The following PKN2 variants were observed in gnomAD, a reference collection of about 807,000 sequenced individuals.
PKN2 encodes serine/threonine-protein kinase N2.
PKN2 carries 38 observed loss-of-function variants against 119.1 expected under a neutral mutation model. That is an observed-to-expected ratio of 0.32 (90% CI 0.25 to 0.42). PKN2 has a LOEUF of 0.42. PKN2 is among the 10% of genes least tolerant of loss of function. The pLI is 1.00. For synonymous variants in PKN2, 390 were observed against 384.9 expected, an observed-to-expected ratio of 1.01 and a Z score of -0.15; for missense variants, 850 against 1,165.1, an observed-to-expected ratio of 0.73 and a Z score of 3.94.
intron 1 of PKN2, among the ~76,000 whole-genome samples, chr1:88,703,001 G>A (rs1183144103): frequency 6.6e-6 from 1 of 152,158 alleles, no homozygotes; most frequent in African/African-American, 2.4e-5. Context: ...GTCTGCTTAT[G>A]AGAGAGCATT....
intron 8 of PKN2, among the ~76,000 whole-genome samples, chr1:88,791,139 A>G (rs759443546): frequency 3.3e-5 from 5 of 152,148 alleles, no homozygotes; most frequent in Non-Finnish European, 7.4e-5. Flanking sequence ...AAAGTAACCA[A>G]TTTAAAGCTG....
intron 1 of PKN2, among the ~76,000 whole-genome samples, chr1:88,705,711 A>C (rs961170829): frequency 2.6e-5 from 4 of 152,092 alleles, no homozygotes; most frequent in East Asian, 1.9e-4. Flanking sequence ...AAATATATAT[A>C]TATATATTCT....
intron 17 of PKN2, 73 bp from the exon 18 acceptor site, chr1:88,824,237 A>G: frequency 1.3e-6 from 1 of 749,082 alleles, no homozygotes; most frequent in Non-Finnish European, 2.3e-6. Flanking sequence ...AATTGCAATT[A>G]TTTTTTTAAC....
chr1:88,771,982 G>A (rs1314686531), intron 6 of PKN2, 103 bp downstream of exon 6: 1 of 715,302 alleles, frequency 1.4e-6, no homozygotes, highest in East Asian at 2.7e-5. Context: ...TTAAAATTAT[G>A]ATAAGATACA....
In PKN2 at chr1:88,807,958, T is replaced by G. The variant is rs554210657; in HGVS notation, c.2102+183T>G. 2.6e-5 allele frequency among the ~76,000 whole-genome samples: 4 copies of G among 152,286 alleles called. No homozygotes were observed. In the East Asian group the frequency reaches 5.8e-4, roughly 22 times the overall value. The stretch of plus-strand genomic sequence containing the variant: ...TCTTTTTTGCCCCTTTTTACCCTTC[T>G]TGTGACAATTAACTGGTTAATGGAT... On this transcript the variant is annotated intron_variant, in intron 15 of 21. Coordinates refer to ENST00000370521, the MANE Select transcript of PKN2 (RefSeq NM_006256.4).
chr1:88,708,405 G>C (rs1011337139), intron 1 of PKN2, among the ~76,000 whole-genome samples: 1 of 151,818 alleles, frequency 6.6e-6, no homozygotes, highest in African/African-American at 2.4e-5. Context: ...GTTTCTTCGG[G>C]GTACTGCTTA....
intron 16 of PKN2, 144 bp downstream of exon 16, chr1:88,813,877 T>G (rs2100896288): frequency 1.6e-6 from 1 of 613,910 alleles, no homozygotes; most frequent in East Asian, 3.2e-5. Flanking sequence ...TACTTACTTT[T>G]TTGCCATATA....
chr1:88,821,882 G>A, intron 16 of PKN2, 59 bp from the exon 17 acceptor site: 1 of 1,298,156 alleles, frequency 7.7e-7, no homozygotes, highest in Non-Finnish European at 1.0e-6. Context: ...AAACATATAA[G>A]CTGGGATTCA....
At chr1:88,738,537 T>C (rs1668446566) in intron 1 of PKN2, among the ~76,000 whole-genome samples, 1 of 152,176 alleles carries the variant, frequency 6.6e-6, no homozygotes, top group Non-Finnish European at 1.5e-5. Flanking sequence ...TTTGATATGA[T>C]TGGAGTTTAA....
At chr1:88,690,255 T>G (rs962405121) in intron 1 of PKN2, among the ~76,000 whole-genome samples, 1 of 152,242 alleles carries the variant, frequency 6.6e-6, no homozygotes, top group Non-Finnish European at 1.5e-5. Flanking sequence ...TTGGCAATGG[T>G]AAATTTTCAT....
chr1:88,828,427 T>A, intron 18 of PKN2, 54 bp from the exon 19 acceptor site: 2 of 1,490,548 alleles, frequency 1.3e-6, no homozygotes, highest in Non-Finnish European at 1.8e-6. Context: ...GATTTTTTTT[T>A]TATGCTAGAT....
chr1:88,806,331 G>C (rs140170583), intron 12 of PKN2: 4,544 of 288,068 alleles, frequency 0.016, 93 homozygotes, highest in South Asian at 0.057. Flanking sequence ...CACCATGCCT[G>C]GCTAATTTTT....
chr1:88,710,022 T>G (rs1667163485), intron 1 of PKN2, among the ~76,000 whole-genome samples: 1 of 152,148 alleles, frequency 6.6e-6, no homozygotes, highest in African/African-American at 2.4e-5. Flanking sequence ...ATAGGGAGAC[T>G]AGGAATACAG....
At position 88,760,395 on chromosome 1, in the gene PKN2, T is replaced by A; in HGVS notation, c.504+19T>A. The A allele has an allele frequency of 7.5e-7, 1 of 1,336,360 alleles. No homozygotes were observed. Among genetic ancestry groups the A allele is most frequent in the Non-Finnish European group, 1.0e-6 (1 of 957,612 alleles). 82.8% of individuals were successfully genotyped at this position (1,336,360 alleles called of 1,614,324 possible). A position where few individuals can be genotyped will look rare whatever the true frequency, so the allele number is the denominator to read the frequency against. ...TTCAAAGGTAAGTGTAGTTAATAAA[T>A]GTAACTATATAGTCAGTCATTATTT... On this transcript the variant is annotated intron_variant, in intron 3 of 21. Transcript: ENST00000370521.
At chr1:88,812,696 A>G (rs1241516832) in intron 15 of PKN2, among the ~76,000 whole-genome samples, 1 of 152,176 alleles carries the variant, frequency 6.6e-6, no homozygotes, top group Admixed American at 6.5e-5. Flanking sequence ...TGATGATATC[A>G]CTGCACTCCA....
At chr1:88,810,893 C>T (rs1671756035) in intron 15 of PKN2, among the ~76,000 whole-genome samples, 1 of 152,232 alleles carries the variant, frequency 6.6e-6, no homozygotes, top group Non-Finnish European at 1.5e-5. Flanking sequence ...AGGCATGAGC[C>T]ACTGTGCCTG....
chr1:88,724,279 G>C lies in PKN2; in HGVS notation c.49-16709G>C, dbSNP rs1667808903. ...GTTTCTTATAATTAAATAGTTTCTT[G>C]ATAGTTTATATTCATTAGTTCCACA... On this transcript the variant is annotated intron_variant, in intron 1 of 21. Coordinates refer to ENST00000370521, the MANE Select transcript of PKN2 (RefSeq NM_006256.4). Among the ~76,000 whole-genome samples the C allele has an allele frequency of 3.3e-5, 5 of 152,080 alleles. No individual in the cohort carries two copies. The South Asian group carries it at 1.0e-3, about 31-fold the overall frequency.
chr1:88,822,214 TA>T (rs1405301768), intron 17 of PKN2, among the ~76,000 whole-genome samples: 1 of 152,190 alleles, frequency 6.6e-6, no homozygotes. Context: ...ATTTTCTAAT[TA>T]AAATAGTCAA....
At chr1:88,783,576 G>A (rs1349969034) in intron 6 of PKN2, among the ~76,000 whole-genome samples, 1 of 152,122 alleles carries the variant, frequency 6.6e-6, no homozygotes, top group East Asian at 1.9e-4. Context: ...AAAACTTTAA[G>A]TAAAATTAAG....
Sources: allele counts gnomAD v4.1 joint callset (sites outside exome capture counted in the v4.1 genomes callset), GRCh38; gene constraint gnomAD v4.1.1; transcripts MANE v1.5; gene names NCBI Gene and HGNC (gene_info 2026-07-23, HGNC 2026-07-21).